KCNMB2: variants seen among roughly 807,000 people sequenced by gnomAD.
The protein encoded by KCNMB2 is calcium-activated potassium channel subunit beta-2.
In KCNMB2, 9 loss-of-function variants were observed where a neutral mutation model predicts 24.5. The ratio of observed to expected loss-of-function variants is 0.37; its 90% confidence interval spans 0.22 to 0.64. The LOEUF is 0.64. Ranked by LOEUF, KCNMB2 falls within the 30% of genes least tolerant of loss-of-function variation. The pLI is 0.63. For missense variants in KCNMB2, 226 were observed against 284.3 expected (o/e 0.79, Z 1.47); for synonymous variants, 109 against 104.4 (o/e 1.04, Z -0.27).
chr3:178,780,063 A>ATT, intron 1 of KCNMB2, among the ~76,000 whole-genome samples: 1 of 151,434 alleles, frequency 6.6e-6, no homozygotes, highest in East Asian at 1.9e-4. Context: ...TAAAAAAAAA[A>ATT]AAAAAAAAAG....
intron 1 of KCNMB2, among the ~76,000 whole-genome samples, chr3:178,776,943 T>C (rs1712604532): frequency 6.6e-6 from 1 of 152,158 alleles, no homozygotes; most frequent in Non-Finnish European, 1.5e-5. Context: ...AAAATACCTA[T>C]CTTATGGGGG....
intron 1 of KCNMB2, among the ~76,000 whole-genome samples, chr3:178,804,026 CTAGATCATTTAATGGTGGAAT>C (rs1164144753): frequency 1.3e-5 from 2 of 152,162 alleles, no homozygotes; most frequent in Admixed American, 6.6e-5. Context: ...ACTCCAGTTC[CTAGATCATTTAATGGTGGAAT>C]TAGATTCAGG....
intron 4 of KCNMB2, among the ~76,000 whole-genome samples, chr3:178,837,103 G>A (rs1715262114): frequency 6.6e-6 from 1 of 152,066 alleles, no homozygotes; most frequent in Non-Finnish European, 1.5e-5. Flanking sequence ...AAGACAAAAA[G>A]GCAAGGGACA....
intron 1 of KCNMB2, among the ~76,000 whole-genome samples, chr3:178,601,365 A>T (rs193178543): frequency 2.0e-5 from 3 of 152,090 alleles, no homozygotes; most frequent in African/African-American, 7.2e-5. Flanking sequence ...AATAAATAAA[A>T]ATTTTAAAAA....
chr3:178,581,696 A>G (rs1467178946), intron 1 of KCNMB2, among the ~76,000 whole-genome samples: 1 of 152,252 alleles, frequency 6.6e-6, no homozygotes, highest in East Asian at 1.9e-4. Flanking sequence ...CCATCAAAAA[A>G]GTGGGCAAAG....
intron 1 of KCNMB2, among the ~76,000 whole-genome samples, chr3:178,545,332 C>T (rs1451160473): frequency 6.6e-6 from 1 of 152,168 alleles, no homozygotes; most frequent in Non-Finnish European, 1.5e-5. Flanking sequence ...TTCAGGACTT[C>T]ATAAATAATG....
At chr3:178,550,768 C>G (rs1209825472) in intron 1 of KCNMB2, among the ~76,000 whole-genome samples, 1 of 152,108 alleles carries the variant, frequency 6.6e-6, no homozygotes, top group Non-Finnish European at 1.5e-5. Context: ...CTCGGTGCCT[C>G]AGTTTCCTCC....
rs147828443 is a variant in KCNMB2 at position 178,696,180 on chromosome 3, A to G, written c.-67-111163A>G. ...TCTTATAAAACCATAAAAGCTCATG[A>G]GAACTAACTTACTATCATGAGAACA... is the stretch of plus-strand genomic sequence containing the variant. On this transcript the variant is annotated intron_variant, in intron 1 of 4. Transcript: ENST00000452583. Among the ~76,000 whole-genome samples, 932 of 152,324 alleles carry G rather than the reference A, an allele frequency of 6.1e-3. 3 individuals are homozygous for G. Among genetic ancestry groups the G allele is most frequent in the Middle Eastern group, 0.01 (3 of 294 alleles).
At position 178,799,800 on chromosome 3, in the gene KCNMB2, A is replaced by G. The variant is rs374429219; in HGVS notation, c.-67-7543A>G. Among the ~76,000 whole-genome samples the G allele has an allele frequency of 3.2e-4, 49 of 152,282 alleles. 1 individual carries two copies. The South Asian group carries it at 9.9e-3, about 31-fold the overall frequency. The stretch of plus-strand genomic sequence containing the variant: ...TATGCCACACAGCTATAATAACCAA[A>G]ACAGCATGGCACTGGAAGAAAAAGA... On this transcript the variant is annotated intron_variant, in intron 1 of 4. Transcript: ENST00000452583.
In KCNMB2 at chr3:178,636,102, T is replaced by G. The variant is rs143703581; in HGVS notation, c.-68+99391T>G. 3.6e-3 allele frequency among the ~76,000 whole-genome samples: 556 copies of G among 152,362 alleles called. 8 individuals are homozygous for G. Among genetic ancestry groups the G allele is most frequent in the Admixed American group, 0.032 (497 of 15,306 alleles). On this transcript the variant is annotated intron_variant, in intron 1 of 4. Coordinates refer to ENST00000452583, the MANE Select transcript of KCNMB2 (RefSeq NM_181361.3). ...TTATTGTTTGAGTACTTTATGTCCT[T>G]GAAATCTGTGTCTCAGATACAACCA...
intron 1 of KCNMB2, among the ~76,000 whole-genome samples, chr3:178,661,946 A>T (rs867808329): frequency 2.1e-4 from 32 of 152,334 alleles, no homozygotes; most frequent in African/African-American, 7.2e-5. Context: ...CATTTTACAG[A>T]TGAGGAAACA....
At chr3:178,540,152 T>G (rs1339595782) in intron 1 of KCNMB2, among the ~76,000 whole-genome samples, 2 of 152,234 alleles carry the variant, frequency 1.3e-5, no homozygotes, top group African/African-American at 4.8e-5. Context: ...GGAACTTCAC[T>G]GTTGCACTTG....
intron 1 of KCNMB2, among the ~76,000 whole-genome samples, chr3:178,724,234 G>T (rs1216021077): frequency 6.6e-6 from 1 of 151,852 alleles, no homozygotes; most frequent in East Asian, 1.9e-4. Flanking sequence ...TTGTGATTTT[G>T]ATTTGCATTT....
At chr3:178,576,868 G>A (rs971495299) in intron 1 of KCNMB2, among the ~76,000 whole-genome samples, 15 of 152,176 alleles carry the variant, frequency 9.9e-5, no homozygotes, top group Non-Finnish European at 1.6e-4. Flanking sequence ...TAAAACTCCC[G>A]TTTCCCTGGG....
At chr3:178,638,691 G>A (rs1719615719) in intron 1 of KCNMB2, among the ~76,000 whole-genome samples, 1 of 152,180 alleles carries the variant, frequency 6.6e-6, no homozygotes, top group Admixed American at 6.5e-5. Context: ...TGAGGTTGAA[G>A]TCTCATCAGA....
intron 1 of KCNMB2, among the ~76,000 whole-genome samples, chr3:178,546,093 A>G (rs964770743): frequency 2.6e-5 from 4 of 152,226 alleles, no homozygotes; most frequent in African/African-American, 7.2e-5. Context: ...AAAAGTTGAC[A>G]GAGAAATAAA....
chr3:178,771,369 C>A (rs1368399994), intron 1 of KCNMB2, among the ~76,000 whole-genome samples: 2 of 152,050 alleles, frequency 1.3e-5, no homozygotes, highest in Non-Finnish European at 2.9e-5. Context: ...CAAAGCCCTG[C>A]AGCAGCTCTC....
At chr3:178,687,067 C>T (rs750206895) in intron 1 of KCNMB2, among the ~76,000 whole-genome samples, 1 of 152,112 alleles carries the variant, frequency 6.6e-6, no homozygotes, top group Admixed American at 6.6e-5. Context: ...CATCCAAGGA[C>T]AAAGTGGCCC....
At chr3:178,839,183 A>C (rs1715339206) in intron 4 of KCNMB2, among the ~76,000 whole-genome samples, 1 of 88,752 alleles carries the variant, frequency 1.1e-5, no homozygotes, top group Admixed American at 9.6e-5. Context: ...TTTTTTCCAA[A>C]CTTAAAAAAA....
Sources: gnomAD v4.1 joint callset for allele counts (sites outside exome capture counted in the v4.1 genomes callset) on GRCh38, gnomAD v4.1.1 for gene constraint, MANE v1.5 for transcripts, NCBI Gene and HGNC (gene_info 2026-07-23, HGNC 2026-07-21) for gene names.